The following ASB5 variants were observed in gnomAD, a reference collection of about 807,000 sequenced individuals.
ASB5 encodes ankyrin repeat and SOCS box containing 5.
A neutral mutation model predicts 42.1 loss-of-function variants in ASB5; 45 were observed. The ratio of observed to expected loss-of-function variants is 1.07; its 90% CI spans 0.84 to 1.37. The LOEUF (loss-of-function observed/expected upper bound fraction) is 1.37. Among genes scored for constraint, ASB5 ranks in the 40% most tolerant of loss-of-function variants. ASB5 has a pLI of 0.00. For synonymous variants in ASB5, 147 were observed against 150.6 expected (o/e 0.98, Z 0.18); for missense variants, 402 against 399.8 (o/e 1.01, Z -0.05).
intron 5 of ASB5, among the ~76,000 whole-genome samples, chr4:176,219,119 T>A (rs1753089194): frequency 8.8e-6 from 1 of 113,470 alleles, no homozygotes; most frequent in Admixed American, 1.1e-4. Flanking sequence ...TATATTTGTA[T>A]GATATATATA....
intron 1 of ASB5, among the ~76,000 whole-genome samples, chr4:176,232,071 A>C (rs1753560247): frequency 6.6e-6 from 1 of 151,882 alleles, no homozygotes; most frequent in Admixed American, 6.6e-5. Flanking sequence ...TCATTTCAGT[A>C]AAAAATGGCA....
upstream of ASB5, among the ~76,000 whole-genome samples, chr4:176,272,194 A>G (rs989745669): frequency 6.6e-6 from 1 of 152,228 alleles, no homozygotes; most frequent in African/African-American, 2.4e-5. Context: ...AAAGTCAAGT[A>G]AGGTAGTTGA....
rs1752926433 is a variant in ASB5 at position 176,214,976 on chromosome 4, G to A, written c.*624C>T. The A allele has an allele frequency of 6.8e-6, 1 of 147,520 alleles. No homozygotes were observed. Among genetic ancestry groups the A allele is most frequent in the African/African-American group, 2.5e-5 (1 of 39,898 alleles). The allele number at this position is 147,520 out of a possible 1,614,324, so 9.1% of individuals were successfully genotyped here. ...TGACCTTTCATCCTATCACTTTTCTGTAACAAGTCCATGTACTATGGAGAA... is the reference window on the plus strand; with the variant it reads ...TGACCTTTCATCCTATCACTTTTCTATAACAAGTCCATGTACTATGGAGAA... On this transcript the variant is annotated 3_prime_UTR_variant, in exon 7 of 7. Coordinates refer to ENST00000296525, the MANE Select transcript of ASB5 (RefSeq NM_080874.4).
intron 5 of ASB5, 66 bp downstream of exon 5, chr4:176,221,089 C>A (rs909142901): frequency 1.4e-6 from 2 of 1,461,768 alleles, no homozygotes; most frequent in Non-Finnish European, 1.8e-6. Context: ...TAAAGATGCT[C>A]ATTTAGAGAA....
Position 176,221,485 on chromosome 4 carries a change from C to G in ASB5, c.500G>C (p.Cys167Ser), listed in dbSNP as rs35545715. 225 of 1,614,000 alleles carry G rather than the reference C, an allele frequency of 1.4e-4. 5 individuals are homozygous for G. The Admixed American group carries it at 3.7e-3, about 27-fold the overall frequency. ...EYGAKAQLES[C>S]LPSPTHEAAS... Reference sequence around the variant, plus strand: ...GGCCTCATGCGTTGGGGATGGAAGACATGACTCCAGCTGGGCTTTGGCACC... The same window carrying G: ...GGCCTCATGCGTTGGGGATGGAAGAGATGACTCCAGCTGGGCTTTGGCACC... The change falls in exon 4 of 7, where the codon TGT becomes TCT. Residue 167 changes from cysteine to serine, a missense_variant. Transcript: ENST00000296525.
At chr4:176,225,188 T>C in intron 2 of ASB5, 74 bp downstream of exon 2, 2 of 1,222,982 alleles carry the variant, frequency 1.6e-6, no homozygotes, top group Non-Finnish European at 2.4e-6. Context: ...TTATCATATT[T>C]GCATTGATTG....
At chr4:176,224,703 CAA>C (rs11325256) in intron 2 of ASB5, among the ~76,000 whole-genome samples, 13 of 150,500 alleles carry the variant, frequency 8.6e-5, no homozygotes, top group East Asian at 2.0e-4. Flanking sequence ...TCAGAAGCTT[CAA>C]AAAAAAAAAT....
rs3060874 is a variant in ASB5, at chr4:176,238,206, CAA to C, written c.197-12867_197-12866del. Reference sequence around the variant, plus strand: ...TGGGCGACAGAAGGAGACTCCGTCTCAAAAAAAAAAAAAAAAAAAAAGTGCAT... The same window carrying C: ...TGGGCGACAGAAGGAGACTCCGTCTCAAAAAAAAAAAAAAAAAAAGTGCAT... On this transcript the variant is annotated intron_variant, in intron 1 of 6. Coordinates refer to ENST00000296525, the MANE Select transcript of ASB5 (RefSeq NM_080874.4). 2.0e-3 allele frequency among the ~76,000 whole-genome samples: 203 copies of C among 101,152 alleles called. 1 individual carries two copies. In the East Asian group the frequency reaches 0.037, roughly 18 times the overall value. The allele number at this position is 101,152 out of a possible 152,430, so 66.4% of individuals were successfully genotyped here. A position where few individuals can be genotyped will look rare whatever the true frequency, so the allele number is the denominator to read the frequency against.
rs770575247 is a variant in ASB5, at chr4:176,221,466, A to G, written c.519T>C (p.His173=). The part of the protein sequence containing the change: ...QLESCLPSPT[H]EAASKGHHEC... ...CTAAGTTACCTTTACTGGCGGCCTCATGCGTTGGGGATGGAAGACATGACT... is the reference window on the plus strand; with the variant it reads ...CTAAGTTACCTTTACTGGCGGCCTCGTGCGTTGGGGATGGAAGACATGACT... Residue 173 remains histidine (H), a synonymous_variant, in exon 4 of 7, where the codon CAT becomes CAC. Transcript: ENST00000296525. 2.5e-6 allele frequency: 4 copies of G among 1,613,208 alleles called. No homozygotes were observed. The highest frequency in any genetic ancestry group is 3.3e-5 in the Admixed American group (2 of 59,780).
chr4:176,266,468 T>TA (rs1050644993), intron 1 of ASB5, among the ~76,000 whole-genome samples: 1 of 152,004 alleles, frequency 6.6e-6, no homozygotes, highest in East Asian at 1.9e-4. Context: ...ACAAACAAAA[T>TA]AAAAAATAGT....
chr4:176,261,873 T>C lies in ASB5; in HGVS notation c.196+7040A>G, dbSNP rs182150298. 9.9e-5 allele frequency among the ~76,000 whole-genome samples: 15 copies of C among 151,956 alleles called. 1 individual carries two copies. Among genetic ancestry groups the C allele is most frequent in the Admixed American group, 8.5e-4 (13 of 15,274 alleles). On this transcript the variant is annotated intron_variant, in intron 1 of 6. Transcript: ENST00000296525. Reference sequence around the variant, plus strand: ...ATCACACATGGCAAACATATACATATATATAATACAGAAATTATATACATG... The same window carrying C: ...ATCACACATGGCAAACATATACATACATATAATACAGAAATTATATACATG...
chr4:176,230,637 A>C lies in ASB5; in HGVS notation c.197-5296T>G, dbSNP rs10010784. Among the ~76,000 whole-genome samples, 200 of 152,282 alleles carry C rather than the reference A, an allele frequency of 1.3e-3. 1 individual carries two copies. Among genetic ancestry groups the C allele is most frequent in the African/African-American group, 4.5e-3 (186 of 41,552 alleles). On this transcript the variant is annotated intron_variant, in intron 1 of 6. Transcript: ENST00000296525. ...TCACATTCCAATTTCTGTATGAACTAAGTTTTCACACCTTGTTCTTCCCCT... is the reference window on the plus strand; with the variant it reads ...TCACATTCCAATTTCTGTATGAACTCAGTTTTCACACCTTGTTCTTCCCCT...
At position 176,269,127 on chromosome 4, in the gene ASB5, G is replaced by C. The variant is rs199509420; in HGVS notation, c.-19C>G. 1 of 1,600,990 alleles carries C rather than the reference G, an allele frequency of 6.2e-7. No homozygotes were observed. Among genetic ancestry groups the C allele is most frequent in the East Asian group, 2.3e-5 (1 of 44,430 alleles). ...CCGACATTGCTGCAGAAGAATCTGC[G>C]GCGGTCTTTAGTTGGATCCAAGTCT... On this transcript the variant is annotated 5_prime_UTR_variant, in exon 1 of 7. Transcript: ENST00000296525.
chr4:176,276,125 T>C (rs1196645250), intron 1 of ASB5, among the ~76,000 whole-genome samples: 1 of 152,224 alleles, frequency 6.6e-6, no homozygotes, highest in Non-Finnish European at 1.5e-5. Flanking sequence ...CTCCACTTCC[T>C]TACCTGTAAA....
In ASB5 at chr4:176,228,953, C is replaced by T. The variant is rs9993112; in HGVS notation, c.197-3612G>A. ...ACAACATATATCAATTTTTTGTGAA[C>T]ACTTAAATATTTAAGAAAATATGAA... On this transcript the variant is annotated intron_variant, in intron 1 of 6. Coordinates refer to ENST00000296525, the MANE Select transcript of ASB5 (RefSeq NM_080874.4). 8.7e-3 allele frequency among the ~76,000 whole-genome samples: 1,329 copies of T among 152,196 alleles called. 24 individuals carry two copies. The highest frequency in any genetic ancestry group is 0.03 in the African/African-American group (1,252 of 41,536).
chr4:176,229,785 C>T (rs143892763), intron 1 of ASB5, among the ~76,000 whole-genome samples: 46 of 152,256 alleles, frequency 3.0e-4, no homozygotes, highest in African/African-American at 8.4e-4. Context: ...TTCTCAGAAA[C>T]GAGTTTTGAA....
chr4:176,276,364 TCA>T (rs1754563568), intron 1 of ASB5, among the ~76,000 whole-genome samples: 1 of 152,214 alleles, frequency 6.6e-6, no homozygotes, highest in South Asian at 2.1e-4. Context: ...AGTACCATAC[TCA>T]CTGCCTACTG....
chr4:176,261,028 T>C (rs1754259180), intron 1 of ASB5, among the ~76,000 whole-genome samples: 1 of 152,222 alleles, frequency 6.6e-6, no homozygotes, highest in East Asian at 1.9e-4. Context: ...GTCTTTTTAA[T>C]TTTTAAAAAT....
At chr4:176,257,689 AG>A (rs1754180910) in intron 1 of ASB5, among the ~76,000 whole-genome samples, 1 of 152,220 alleles carries the variant, frequency 6.6e-6, no homozygotes, top group Non-Finnish European at 1.5e-5. Context: ...TTATATAGAA[AG>A]GGCCAGTCGA....
Sources: allele counts gnomAD v4.1 joint callset (sites outside exome capture counted in the v4.1 genomes callset), GRCh38; gene constraint gnomAD v4.1.1; transcripts MANE v1.5; gene names NCBI Gene and HGNC (gene_info 2026-07-23, HGNC 2026-07-21).